NPIPB11: variants seen among roughly 807,000 people sequenced by gnomAD.
NPIPB11 encodes nuclear pore complex interacting protein family member B11, also known as nuclear pore complex-interacting protein family member B11.
A neutral mutation model predicts 32.8 loss-of-function variants in NPIPB11; 17 were observed. The observed-to-expected ratio is 0.52, with a 90% CI of 0.35 to 0.78. The LOEUF is 0.78. Ranked by LOEUF, NPIPB11 falls within the 30% of genes least tolerant of loss-of-function variation. The pLI is 0.01. For missense variants in NPIPB11, 537 were observed against 1,000.4 expected (o/e 0.54, Z 6.25); for synonymous variants, 209 against 398.4 (o/e 0.52, Z 5.66).
intron 2 of NPIPB11, among the ~76,000 whole-genome samples, chr16:29,394,605 T>A (rs1411867651): frequency 6.6e-6 from 1 of 151,528 alleles, no homozygotes; most frequent in East Asian, 1.9e-4. Flanking sequence ...CGACTCATTT[T>A]TGTATTTTTA....
intron 3 of NPIPB11, 105 bp from the exon 4 acceptor site, chr16:29,390,453 G>C: frequency 6.4e-7 from 1 of 1,559,244 alleles, no homozygotes; most frequent in African/African-American, 1.4e-5. Flanking sequence ...TCAGGAGCAA[G>C]ACCAGCCTGG....
At chr16:29,393,583 G>A (rs1308680943) in intron 3 of NPIPB11, among the ~76,000 whole-genome samples, 2 of 150,918 alleles carry the variant, frequency 1.3e-5, no homozygotes, top group Non-Finnish European at 3.0e-5. Context: ...TGAATCTTCA[G>A]AGAGGAGATT....
chr16:29,382,979 G>A (rs1337805956), exon 8 of NPIPB11: 22 of 1,595,094 alleles, frequency 1.4e-5, no homozygotes, highest in Non-Finnish European at 1.7e-5. Context: ...GAGGGTGGAA[G>A]GGGAGTGAGC....
At chr16:29,389,863 T>C (rs1963669565) in intron 5 of NPIPB11, 78 bp downstream of exon 5, 1 of 1,570,174 alleles carries the variant, frequency 6.4e-7, no homozygotes, top group African/African-American at 1.4e-5. Flanking sequence ...GTAGAAAATA[T>C]TCTCAAGGAC....
At chr16:29,392,063 G>A (rs1261556857) in intron 3 of NPIPB11, among the ~76,000 whole-genome samples, 6 of 151,638 alleles carry the variant, frequency 4.0e-5, no homozygotes, top group African/African-American at 1.5e-4. Context: ...GTTTTTTCCT[G>A]ATTTCTGCAC....
At chr16:29,389,623 C>A (rs1963660076) in intron 5 of NPIPB11, among the ~76,000 whole-genome samples, 1 of 128,060 alleles carries the variant, frequency 7.8e-6, no homozygotes, top group Admixed American at 9.0e-5. Flanking sequence ...TGAGATTGTG[C>A]CATTGCACTA....
rs766564364 is a variant in NPIPB11 at position 29,382,983 on chromosome 16, A to C, written c.1949T>G (p.Leu650Arg). The C allele has an allele frequency of 2.4e-5, 38 of 1,594,696 alleles. 1 individual carries two copies. In the South Asian group the frequency reaches 3.8e-4, roughly 16 times the overall value. ...AGGGTGGAGCTGAGGGTGGAAGGGGAGTGAGCTGACGCTCGGAAGGTGTCT... is the reference window on the plus strand; with the variant it reads ...AGGGTGGAGCTGAGGGTGGAAGGGGCGTGAGCTGACGCTCGGAAGGTGTCT... Residue 650 changes from leucine (L) to arginine (R), a missense_variant, in exon 8 of 8, where the codon CTC becomes CGC. Leu to Arg is a moderately radical substitution (Grantham distance 102). Coordinates refer to ENST00000524087, the Ensembl canonical transcript of NPIPB11.
At chr16:29,393,481 G>A (rs957794122) in intron 3 of NPIPB11, among the ~76,000 whole-genome samples, 5 of 152,056 alleles carry the variant, frequency 3.3e-5, no homozygotes, top group African/African-American at 1.2e-4. Flanking sequence ...GGCAGTTCTA[G>A]CAGTCTCATT....
At chr16:29,400,413 G>C (rs1963962407) in intron 2 of NPIPB11, among the ~76,000 whole-genome samples, 1 of 151,164 alleles carries the variant, frequency 6.6e-6, no homozygotes, top group Non-Finnish European at 1.5e-5. Context: ...CTGACCAGCT[G>C]TGTGACCCTG....
chr16:29,402,082 C>G (rs898553949), intron 2 of NPIPB11, among the ~76,000 whole-genome samples: 1 of 151,170 alleles, frequency 6.6e-6, no homozygotes, highest in Admixed American at 6.6e-5. Context: ...TAACCTCAGG[C>G]TTAACTTTCA....
intron 2 of NPIPB11, among the ~76,000 whole-genome samples, chr16:29,401,521 C>T (rs1451370178): frequency 1.3e-5 from 2 of 152,094 alleles, no homozygotes; most frequent in South Asian, 2.1e-4. Context: ...GTGACTTAGT[C>T]CTCCTGTCAT....
intron 2 of NPIPB11, among the ~76,000 whole-genome samples, chr16:29,399,684 C>A (rs920718546): frequency 6.6e-6 from 1 of 151,590 alleles, no homozygotes; most frequent in East Asian, 2.0e-4. Flanking sequence ...GGAGACAGAG[C>A]GAGACTCTGT....
intron 2 of NPIPB11, among the ~76,000 whole-genome samples, chr16:29,401,226 T>C (rs4017112): frequency 2.0e-5 from 3 of 152,142 alleles, no homozygotes; most frequent in South Asian, 2.1e-4. Context: ...GCAGGAAAAA[T>C]AGTGCCTGGA....
chr16:29,382,198 C>G (rs1347819309), exon 8 of NPIPB11: 4 of 1,055,388 alleles, frequency 3.8e-6, no homozygotes, highest in Non-Finnish European at 5.4e-6. Flanking sequence ...GAGGGTGGAG[C>G]TGAGGGTGGA....
chr16:29,390,959 C>CT (rs1289925186), intron 3 of NPIPB11, among the ~76,000 whole-genome samples: 2 of 82,600 alleles, frequency 2.4e-5, no homozygotes, highest in East Asian at 8.4e-4. Context: ...TTGAAACTGT[C>CT]TCAAAAAAAA....
At chr16:29,389,840 T>G in intron 5 of NPIPB11, 101 bp downstream of exon 5, 2 of 1,562,690 alleles carry the variant, frequency 1.3e-6, no homozygotes, top group Non-Finnish European at 1.7e-6. Flanking sequence ...CTACTGAATT[T>G]GCCACAAATA....
At chr16:29,402,130 G>C (rs1173852013) in intron 2 of NPIPB11, among the ~76,000 whole-genome samples, 1 of 148,542 alleles carries the variant, frequency 6.7e-6, no homozygotes, top group Non-Finnish European at 1.5e-5. Flanking sequence ...AAAATGAGGT[G>C]GCTATACCAT....
exon 8 of NPIPB11, chr16:29,382,298 C>G (rs779836855): frequency 2.5e-6 from 4 of 1,594,986 alleles, no homozygotes; most frequent in South Asian, 1.1e-5. Context: ...CGCAGACGCT[C>G]GGCAGGTGTC....
At chr16:29,383,082 T>C in exon 8 of NPIPB11, 6 of 1,597,030 alleles carry the variant, frequency 3.8e-6, no homozygotes, top group Non-Finnish European at 4.3e-6. Flanking sequence ...TATCATCTGC[T>C]GAGGGTGGAG....
Sources: gnomAD v4.1 joint callset for allele counts (sites outside exome capture counted in the v4.1 genomes callset) on GRCh38, gnomAD v4.1.1 for gene constraint, MANE v1.5 for transcripts, NCBI Gene and HGNC (gene_info 2026-07-23, HGNC 2026-07-21) for gene names.